The following NRG3 variants were observed in gnomAD, a reference collection of about 807,000 sequenced individuals.
NRG3 encodes pro-neuregulin-3, membrane-bound isoform.
NRG3 carries 31 observed loss-of-function variants against 66.9 expected under a neutral mutation model. The observed-to-expected ratio is 0.46, with a 90% confidence interval of 0.35 to 0.63. The LOEUF is 0.63. Ranked by LOEUF, NRG3 falls within the 20% of genes least tolerant of loss-of-function variation. NRG3 has a pLI of 0.00. For synonymous variants in NRG3, 393 were observed against 359.4 expected (o/e 1.09, Z -1.06); for missense variants, 910 against 878.9 (o/e 1.04, Z -0.45).
At chr10:82,147,434 A>G (rs1242027697) in intron 1 of NRG3, among the ~76,000 whole-genome samples, 1 of 152,340 alleles carries the variant, frequency 6.6e-6, no homozygotes, top group Admixed American at 6.5e-5. Flanking sequence ...TTAGTTCAGC[A>G]TCTTTAAAAT....
At chr10:82,244,348 T>C (rs1005082694) in intron 1 of NRG3, among the ~76,000 whole-genome samples, 2 of 152,126 alleles carry the variant, frequency 1.3e-5, no homozygotes, top group African/African-American at 2.4e-5. Flanking sequence ...ACTCTGTAGA[T>C]TGTAAGAGAA....
intron 2 of NRG3, among the ~76,000 whole-genome samples, chr10:82,518,133 G>A (rs1192908201): frequency 1.3e-5 from 2 of 152,154 alleles, no homozygotes; most frequent in Non-Finnish European, 1.5e-5. Flanking sequence ...TGTAAAATCA[G>A]TGGAGTAGAC....
intron 4 of NRG3, among the ~76,000 whole-genome samples, chr10:82,877,843 G>C (rs1841976587): frequency 6.6e-6 from 1 of 152,178 alleles, no homozygotes; most frequent in Non-Finnish European, 1.5e-5. Context: ...AATAGGAGTT[G>C]AGTTCACATA....
intron 1 of NRG3, among the ~76,000 whole-genome samples, chr10:81,956,380 T>C (rs555870309): frequency 3.9e-5 from 6 of 152,208 alleles, no homozygotes; most frequent in Non-Finnish European, 8.8e-5. Flanking sequence ...TAGATGTGAA[T>C]AAACCAGCTT....
intron 2 of NRG3, among the ~76,000 whole-genome samples, chr10:82,733,016 AT>A (rs1215318703): frequency 2.0e-5 from 3 of 152,356 alleles, no homozygotes; most frequent in Middle Eastern, 3.4e-3. Context: ...AGTAAAGGCC[AT>A]TTTTTTTCCC....
intron 3 of NRG3, among the ~76,000 whole-genome samples, chr10:82,766,936 AT>A (rs1229044391): frequency 1.3e-5 from 2 of 150,762 alleles, no homozygotes; most frequent in African/African-American, 4.9e-5. Context: ...TCATAGGTAT[AT>A]TTTGAAATCT....
intron 1 of NRG3, among the ~76,000 whole-genome samples, chr10:81,900,482 C>T (rs1018143319): frequency 6.6e-6 from 1 of 152,202 alleles, no homozygotes; most frequent in African/African-American, 2.4e-5. Flanking sequence ...GTTTGCAGAA[C>T]TCCATATCCA....
intron 2 of NRG3, among the ~76,000 whole-genome samples, chr10:82,525,642 A>G (rs573506855): frequency 6.6e-6 from 1 of 151,934 alleles, no homozygotes; most frequent in Non-Finnish European, 1.5e-5. Flanking sequence ...ACATCATGCA[A>G]TAATGATAAA....
intron 6 of NRG3, among the ~76,000 whole-genome samples, chr10:82,962,484 G>A (rs955674634): frequency 1.3e-5 from 2 of 152,008 alleles, no homozygotes; most frequent in African/African-American, 4.8e-5. Flanking sequence ...TATGGGGGAG[G>A]TAACATTAAA....
intron 3 of NRG3, among the ~76,000 whole-genome samples, chr10:82,812,218 A>G (rs2061518451): frequency 6.6e-6 from 1 of 152,226 alleles, no homozygotes; most frequent in Non-Finnish European, 1.5e-5. Flanking sequence ...GTCTCCTCTC[A>G]GTTGATGCTG....
chr10:82,691,998 T>C (rs2054967264), intron 2 of NRG3, among the ~76,000 whole-genome samples: 1 of 152,084 alleles, frequency 6.6e-6, no homozygotes, highest in African/African-American at 2.4e-5. Flanking sequence ...AAGGTAACAA[T>C]TGGCAGGCGC....
At chr10:81,971,664 GC>G (rs372286071) in intron 1 of NRG3, among the ~76,000 whole-genome samples, 2 of 152,202 alleles carry the variant, frequency 1.3e-5, no homozygotes, top group Non-Finnish European at 2.9e-5. Context: ...ATATGATTGT[GC>G]CAGCCTACTG....
At chr10:82,751,187 CT>C (rs2058848884) in intron 3 of NRG3, among the ~76,000 whole-genome samples, 1 of 152,098 alleles carries the variant, frequency 6.6e-6, no homozygotes, top group South Asian at 2.1e-4. Flanking sequence ...GTCAATTATA[CT>C]GGTTGGTGTC....
At chr10:82,082,047 G>A (rs1003252189) in intron 1 of NRG3, among the ~76,000 whole-genome samples, 1 of 152,240 alleles carries the variant, frequency 6.6e-6, no homozygotes, top group East Asian at 1.9e-4. Context: ...TGGTTTCCAA[G>A]GTACAACTGT....
At chr10:82,232,176 C>G (rs2076509930) in intron 1 of NRG3, 1 of 152,354 alleles carries the variant, frequency 6.6e-6, no homozygotes, top group Admixed American at 6.5e-5. Flanking sequence ...GGAAAACACA[C>G]CTTATATATC....
intron 2 of NRG3, among the ~76,000 whole-genome samples, chr10:82,386,782 T>C: frequency 6.6e-6 from 1 of 152,080 alleles, no homozygotes; most frequent in African/African-American, 2.4e-5. Context: ...AGGTTTTCTT[T>C]TTCTCTTCTT....
chr10:82,797,254 G>A (rs909593351), intron 3 of NRG3, among the ~76,000 whole-genome samples: 2 of 152,088 alleles, frequency 1.3e-5, no homozygotes, highest in African/African-American at 2.4e-5. Flanking sequence ...CATAGAAATG[G>A]GACGTTTCCT....
intron 2 of NRG3, among the ~76,000 whole-genome samples, chr10:82,699,011 G>A (rs1306125030): frequency 6.6e-6 from 1 of 152,080 alleles, no homozygotes; most frequent in Non-Finnish European, 1.5e-5. Flanking sequence ...ATATAACCTT[G>A]TAATGTCTTA....
At chr10:82,383,677 T>G (rs2085779243) in intron 2 of NRG3, among the ~76,000 whole-genome samples, 1 of 152,034 alleles carries the variant, frequency 6.6e-6, no homozygotes, top group Non-Finnish European at 1.5e-5. Context: ...GGATTACTAT[T>G]TAAATTTTTA....
Sources: gnomAD v4.1 joint callset for allele counts (sites outside exome capture counted in the v4.1 genomes callset) on GRCh38, gnomAD v4.1.1 for gene constraint, MANE v1.5 for transcripts, NCBI Gene and HGNC (gene_info 2026-07-23, HGNC 2026-07-21) for gene names.